Variants in PRIM2 observed in about 807,000 individuals in gnomAD.
PRIM2 encodes DNA primase large subunit.
In PRIM2, 39 loss-of-function variants were observed where a neutral mutation model predicts 67.3. The observed-to-expected ratio is 0.58, with a 90% CI of 0.45 to 0.76. The LOEUF is 0.76. Ranked by LOEUF, PRIM2 falls within the 30% of genes least tolerant of loss-of-function variation. The probability of loss-of-function intolerance (pLI) is 0.00; values close to 1 mark genes in which losing one functional copy is unlikely to be tolerated. For missense variants in PRIM2, 398 were observed against 598.7 expected, an observed-to-expected ratio of 0.66 and a Z score of 3.50; for synonymous variants, 143 against 198.7, an observed-to-expected ratio of 0.72 and a Z score of 2.36.
chr6:57,520,912 A>G (rs1471674132), intron 8 of PRIM2, among the ~76,000 whole-genome samples: 11 of 152,212 alleles, frequency 7.2e-5, no homozygotes, highest in Admixed American at 3.9e-4. Flanking sequence ...CCTGATTTTT[A>G]TGGATATTTT....
chr6:57,599,837 T>C (rs1776428521), intron 10 of PRIM2, among the ~76,000 whole-genome samples: 1 of 152,120 alleles, frequency 6.6e-6, no homozygotes, highest in Non-Finnish European at 1.5e-5. Context: ...TAATTTTTAA[T>C]TTTTTTTAGA....
intron 12 of PRIM2, among the ~76,000 whole-genome samples, chr6:57,615,537 A>G (rs1192266479): frequency 9.9e-5 from 15 of 152,186 alleles, no homozygotes; most frequent in African/African-American, 3.1e-4. Context: ...GGAAAGATGC[A>G]TATGAAATTT....
intron 7 of PRIM2, among the ~76,000 whole-genome samples, chr6:57,457,948 T>A (rs1772861886): frequency 6.6e-6 from 1 of 152,196 alleles, no homozygotes; most frequent in African/African-American, 2.4e-5. Context: ...TTACTTTGCC[T>A]CTGTCTTTTT....
chr6:57,330,360 T>G (rs1768013107), intron 5 of PRIM2, among the ~76,000 whole-genome samples: 1 of 82,350 alleles, frequency 1.2e-5, no homozygotes, highest in African/African-American at 5.3e-5. Flanking sequence ...TTTTTTTTTT[T>G]GTTTTTGTTT....
intron 7 of PRIM2, among the ~76,000 whole-genome samples, chr6:57,499,625 C>T (rs1774087936): frequency 6.6e-6 from 1 of 152,316 alleles, no homozygotes; most frequent in African/African-American, 2.4e-5. Context: ...ATAAAAAACA[C>T]ACGTTTCCCT....
intron 7 of PRIM2, among the ~76,000 whole-genome samples, chr6:57,422,084 A>G (rs575056346): frequency 6.6e-6 from 1 of 151,196 alleles, no homozygotes; most frequent in Non-Finnish European, 1.5e-5. Context: ...GTTTAAATTT[A>G]TAGAACTCTT....
intron 5 of PRIM2, among the ~76,000 whole-genome samples, chr6:57,348,773 CAG>C (rs1768761646): frequency 1.7e-4 from 20 of 116,616 alleles, no homozygotes; most frequent in Non-Finnish European, 2.8e-4. Flanking sequence ...TTTTTTGAGA[CAG>C]AGTCTCTCTG....
At chr6:57,539,728 T>C (rs1457881307) in intron 10 of PRIM2, among the ~76,000 whole-genome samples, 1 of 151,634 alleles carries the variant, frequency 6.6e-6, no homozygotes, top group South Asian at 2.1e-4. Flanking sequence ...GCAGGTTGGC[T>C]CATGCCTGTA....
chr6:57,280,593 T>C, the PRIM2 span, among the ~76,000 whole-genome samples: 3 of 152,212 alleles, frequency 2.0e-5, no homozygotes, highest in African/African-American at 7.2e-5. Flanking sequence ...CACTGCAACC[T>C]CCGCCTCCCA....
chr6:57,546,671 C>T (rs1233547656), intron 10 of PRIM2, among the ~76,000 whole-genome samples: 1 of 151,846 alleles, frequency 6.6e-6, no homozygotes, highest in African/African-American at 2.4e-5. Flanking sequence ...TAAAATTCTC[C>T]ATTTCCAGAC....
chr6:57,286,789 A>G, the PRIM2 span, among the ~76,000 whole-genome samples: 1 of 152,224 alleles, frequency 6.6e-6, no homozygotes, highest in South Asian at 2.1e-4. Context: ...GCTTCTGCTC[A>G]GCAAAAGAAA....
At chr6:57,590,929 C>A (rs1776272006) in intron 10 of PRIM2, among the ~76,000 whole-genome samples, 1 of 152,170 alleles carries the variant, frequency 6.6e-6, no homozygotes, top group Non-Finnish European at 1.5e-5. Flanking sequence ...GTTAAGTAAA[C>A]TGTCCAAGGT....
chr6:57,245,590 TTC>T, the PRIM2 span, among the ~76,000 whole-genome samples: 2 of 152,212 alleles, frequency 1.3e-5, no homozygotes, highest in African/African-American at 4.8e-5. Flanking sequence ...TGAGCCTAGA[TTC>T]TCTTTCTCCA....
the PRIM2 span, among the ~76,000 whole-genome samples, chr6:57,262,304 G>T: frequency 3.9e-5 from 6 of 152,116 alleles, no homozygotes; most frequent in African/African-American, 1.4e-4. Context: ...TGTGTTCCAG[G>T]CCTCATCTGC....
the PRIM2 span, among the ~76,000 whole-genome samples, chr6:57,249,079 A>G: frequency 3.9e-5 from 6 of 152,360 alleles, no homozygotes; most frequent in South Asian, 1.2e-3. Context: ...AACCATGATC[A>G]CAGGACAATT....
intron 10 of PRIM2, among the ~76,000 whole-genome samples, chr6:57,588,972 A>G (rs1582007254): frequency 6.6e-6 from 1 of 152,246 alleles, no homozygotes; most frequent in African/African-American, 2.4e-5. Context: ...TATGTGACCA[A>G]TCAATTTTAA....
chr6:57,601,239 A>G lies in PRIM2; in HGVS notation c.1147+20A>G, dbSNP rs1237856936. On this transcript the variant is annotated intron_variant, in intron 11 of 13. Coordinates refer to ENST00000615550, the MANE Select transcript of PRIM2 (RefSeq NM_000947.5). ...ATCATGGTAAGTGCCTCCACTGGAT[A>G]TGTTGGCCAAGTACAGAAATCCAAG... 1.8e-5 allele frequency: 29 copies of G among 1,573,170 alleles called. No individual in the cohort carries two copies. The highest frequency in any genetic ancestry group is 2.5e-5 in the Non-Finnish European group (29 of 1,164,898).
chr6:57,614,998 C>G (rs1368390316), intron 12 of PRIM2, among the ~76,000 whole-genome samples: 1 of 152,164 alleles, frequency 6.6e-6, no homozygotes, highest in Non-Finnish European at 1.5e-5. Flanking sequence ...TAGTTTCTGC[C>G]TAAGTTAGAT....
At chr6:57,629,030 T>C (rs1777001483) in intron 12 of PRIM2, among the ~76,000 whole-genome samples, 1 of 152,204 alleles carries the variant, frequency 6.6e-6, no homozygotes, top group Non-Finnish European at 1.5e-5. Flanking sequence ...ATTTTTAGTT[T>C]GTATTTCCTG....
Sources: allele counts gnomAD v4.1 joint callset (sites outside exome capture counted in the v4.1 genomes callset), GRCh38; gene constraint gnomAD v4.1.1; transcripts MANE v1.5; gene names NCBI Gene and HGNC (gene_info 2026-07-23, HGNC 2026-07-21).